SEC14L1: variants seen among roughly 807,000 people sequenced by gnomAD.
SEC14L1 encodes the protein SEC14 like lipid binding 1, also known as SEC14-like protein 1.
In SEC14L1, 48 loss-of-function variants were observed where a neutral mutation model predicts 85.3. That is an observed-to-expected ratio of 0.56 (90% CI 0.45 to 0.72). The LOEUF (loss-of-function observed/expected upper bound fraction) is 0.72, where lower values mean the gene tolerates loss of function less well. Ranked by LOEUF, SEC14L1 falls within the 30% of genes least tolerant of loss-of-function variation. The pLI, the probability that SEC14L1 is intolerant of heterozygous loss-of-function variation, is 0.00. For synonymous variants in SEC14L1, 391 were observed against 355.5 expected, an observed-to-expected ratio of 1.10 and a Z score of -1.12; for missense variants, 682 against 921.4, an observed-to-expected ratio of 0.74 and a Z score of 3.36.
intron 3 of SEC14L1, among the ~76,000 whole-genome samples, chr17:77,159,233 A>C (rs1231367726): frequency 6.7e-6 from 1 of 149,220 alleles, no homozygotes; most frequent in Non-Finnish European, 1.5e-5. Context: ...CACCTGGCTA[A>C]TTTTTGCATT....
chr17:77,132,091 C>G (rs1377138621), intron 3 of SEC14L1, among the ~76,000 whole-genome samples: 2 of 152,142 alleles, frequency 1.3e-5, no homozygotes, highest in African/African-American at 4.8e-5. Context: ...ATTTTCTGTA[C>G]TTTTCCAGGC....
intron 3 of SEC14L1, among the ~76,000 whole-genome samples, chr17:77,130,417 A>G (rs950173937): frequency 6.6e-6 from 1 of 151,902 alleles, no homozygotes; most frequent in Non-Finnish European, 1.5e-5. Context: ...CCTGAGTTCA[A>G]GTGATTCTCA....
intron 3 of SEC14L1, among the ~76,000 whole-genome samples, chr17:77,190,225 G>C (rs182500912): frequency 1.3e-5 from 2 of 152,126 alleles, no homozygotes; most frequent in African/African-American, 4.8e-5. Flanking sequence ...AAAGACTGGC[G>C]TGCTTTCTTT....
chr17:77,182,226 C>T (rs1356537680), intron 3 of SEC14L1, among the ~76,000 whole-genome samples: 1 of 152,158 alleles, frequency 6.6e-6, no homozygotes, highest in East Asian at 1.9e-4. Context: ...TGGAGTGCAG[C>T]ATTCAGCTCA....
rs1419192635 is a variant in SEC14L1 at position 77,215,275 on chromosome 17, A to G, written c.*1252A>G. On this transcript the variant is annotated 3_prime_UTR_variant, in exon 17 of 17. Coordinates refer to ENST00000436233, the MANE Select transcript of SEC14L1 (RefSeq NM_001143998.2). ...CAGGCCCTTATTTTTTCAGCTTTTT[A>G]TGGGAAAAGCAGGTTATTTGAGAAT... is the stretch of plus-strand genomic sequence containing the variant. The G allele has an allele frequency of 1.0e-6, 1 of 985,088 alleles. No homozygotes were observed. The highest frequency in any genetic ancestry group is 1.2e-6 in the Non-Finnish European group (1 of 829,888). The allele number at this position is 985,088 out of a possible 1,614,324, so 61.0% of individuals were successfully genotyped here.
At chr17:77,133,286 A>G (rs2143454886) in intron 3 of SEC14L1, among the ~76,000 whole-genome samples, 1 of 152,170 alleles carries the variant, frequency 6.6e-6, no homozygotes, top group South Asian at 2.1e-4. Context: ...AGCAATGGAG[A>G]AGATATGGCC....
upstream of SEC14L1, among the ~76,000 whole-genome samples, chr17:77,137,746 T>C (rs981667422): frequency 6.6e-6 from 1 of 152,226 alleles, no homozygotes; most frequent in African/African-American, 2.4e-5. Flanking sequence ...ATACGTGCTT[T>C]CACTGTTTGC....
intron 13 of SEC14L1, among the ~76,000 whole-genome samples, chr17:77,207,989 A>C (rs1019759780): frequency 6.6e-6 from 1 of 152,162 alleles, no homozygotes; most frequent in Admixed American, 6.5e-5. Context: ...GTTCCATGGC[A>C]CACGGCGGTG....
intron 10 of SEC14L1, among the ~76,000 whole-genome samples, chr17:77,204,584 G>T (rs1158792492): frequency 1.4e-5 from 2 of 147,364 alleles, no homozygotes; most frequent in African/African-American, 5.0e-5. Flanking sequence ...GCTGAGGCTG[G>T]GGTACAGTGT....
chr17:77,187,375 C>CT (rs1180103468), intron 3 of SEC14L1, among the ~76,000 whole-genome samples: 1 of 151,938 alleles, frequency 6.6e-6, no homozygotes, highest in African/African-American at 2.4e-5. Context: ...CCTATGCCCC[C>CT]CCCCCACACC....
At chr17:77,193,665 G>T (rs1975654095) in intron 6 of SEC14L1, 116 bp downstream of exon 6, 1 of 1,086,910 alleles carries the variant, frequency 9.2e-7, no homozygotes, top group African/African-American at 1.6e-5. Context: ...TTGGGTGGAA[G>T]ATGCTATGAT....
chr17:77,191,914 A>T (rs1409842208), intron 5 of SEC14L1, among the ~76,000 whole-genome samples: 1 of 150,800 alleles, frequency 6.6e-6, no homozygotes, highest in Non-Finnish European at 1.5e-5. Context: ...CTCATTCCCC[A>T]GCCTCCCAAG....
At chr17:77,201,291 G>T (rs530538109) in intron 9 of SEC14L1, among the ~76,000 whole-genome samples, 2 of 152,188 alleles carry the variant, frequency 1.3e-5, no homozygotes, top group Non-Finnish European at 2.9e-5. Context: ...AGCCGGGCAG[G>T]ATGGAATTGG....
chr17:77,193,560 C>T lies in SEC14L1; in HGVS notation c.474+11C>T. 6.3e-7 allele frequency: 1 copy of T among 1,599,504 alleles called. No individual in the cohort carries two copies. The highest frequency in any genetic ancestry group is 1.1e-5 in the South Asian group (1 of 89,952). On this transcript the variant is annotated intron_variant, in intron 6 of 16. Transcript: ENST00000436233. ...AGCAACATTAAAAAAGTGAGTGTAT[C>T]TTGGGATTTTGTGGCAGAGGGTGGG...
At chr17:77,106,272 A>C (rs886161486) in intron 3 of SEC14L1, among the ~76,000 whole-genome samples, 4 of 151,976 alleles carry the variant, frequency 2.6e-5, no homozygotes, top group African/African-American at 9.7e-5. Flanking sequence ...GGTGGCTCAC[A>C]CCTGTAATCC....
intron 9 of SEC14L1, among the ~76,000 whole-genome samples, chr17:77,202,328 A>C (rs960402101): frequency 3.3e-5 from 5 of 151,534 alleles, no homozygotes; most frequent in Admixed American, 6.6e-5. Context: ...TCTACTTAAA[A>C]AAAAAGGAGG....
At chr17:77,104,740 G>C (rs1971866012) in intron 3 of SEC14L1, among the ~76,000 whole-genome samples, 1 of 148,244 alleles carries the variant, frequency 6.7e-6, no homozygotes, top group African/African-American at 2.5e-5. Context: ...GCAGTGAGCC[G>C]AGATTGCGCC....
At chr17:77,098,276 A>G (rs981703955) in intron 3 of SEC14L1, among the ~76,000 whole-genome samples, 1 of 152,110 alleles carries the variant, frequency 6.6e-6, no homozygotes, top group African/African-American at 2.4e-5. Context: ...AGGCAGGTGG[A>G]TCACCTGAGG....
intron 3 of SEC14L1, among the ~76,000 whole-genome samples, chr17:77,170,069 T>C (rs1354760432): frequency 6.6e-6 from 1 of 152,184 alleles, no homozygotes; most frequent in East Asian, 1.9e-4. Context: ...GGTACTTTTC[T>C]GAAGAGGCCA....
Sources: allele counts gnomAD v4.1 joint callset (sites outside exome capture counted in the v4.1 genomes callset), GRCh38; gene constraint gnomAD v4.1.1; transcripts MANE v1.5; gene names NCBI Gene and HGNC (gene_info 2026-07-23, HGNC 2026-07-21).